ITGB2: variants seen among roughly 807,000 people sequenced by gnomAD.
The protein encoded by ITGB2 is integrin subunit beta 2.
ITGB2 carries 56 observed loss-of-function variants against 86.8 expected under a neutral mutation model. The observed-to-expected ratio is 0.65, with a 90% CI of 0.52 to 0.81. The LOEUF (loss-of-function observed/expected upper bound fraction) is 0.81. Among genes scored for constraint, ITGB2 ranks in the 30% least tolerant of loss-of-function variants. ITGB2 has a pLI of 0.00. For synonymous variants in ITGB2, 457 were observed against 450.4 expected (o/e 1.01, Z -0.19); for missense variants, 948 against 1,061.2 (o/e 0.89, Z 1.48).
chr21:44,907,527 G>C (rs1229617766), intron 3 of ITGB2, among the ~76,000 whole-genome samples: 1 of 152,240 alleles, frequency 6.6e-6, no homozygotes, highest in Non-Finnish European at 1.5e-5. Context: ...CATGGGCAGG[G>C]TTCTGGGCCA....
At chr21:44,888,667 T>C in intron 14 of ITGB2, 26 bp downstream of exon 14, 1 of 1,602,220 alleles carries the variant, frequency 6.2e-7, no homozygotes, top group Non-Finnish European at 8.5e-7. Flanking sequence ...CTGGAGCCGG[T>C]CCCCGCTGCA....
intron 6 of ITGB2, 125 bp from the exon 7 acceptor site, chr21:44,900,600 C>T: frequency 1.6e-6 from 2 of 1,216,614 alleles, no homozygotes; most frequent in Middle Eastern, 5.6e-4. Context: ...CCCCTTTCCC[C>T]TGGGTCTCAG....
intron 3 of ITGB2, chr21:44,908,102 A>C (rs1432202433): frequency 1.4e-6 from 1 of 721,668 alleles, no homozygotes; most frequent in Non-Finnish European, 2.6e-6. Context: ...GCTCAGTCCG[A>C]GGACAGACGG....
chr21:44,889,211 G>C (rs1186242387), intron 13 of ITGB2, 65 bp downstream of exon 13: 90 of 1,523,078 alleles, frequency 5.9e-5, no homozygotes, highest in Non-Finnish European at 7.9e-5. Flanking sequence ...AGTGAGCCCG[G>C]CTGCTGGGTA....
chr21:44,911,664 CT>C (rs1232717682), intron 1 of ITGB2, among the ~76,000 whole-genome samples: 3 of 152,228 alleles, frequency 2.0e-5, no homozygotes, highest in Non-Finnish European at 4.4e-5. Context: ...GGGTCCTGCC[CT>C]TTTGTTTCCA....
intron 1 of ITGB2, among the ~76,000 whole-genome samples, chr21:44,926,622 A>T (rs2146580643): frequency 6.6e-6 from 1 of 152,348 alleles, no homozygotes; most frequent in Non-Finnish European, 1.5e-5. Context: ...CGAGGGAGTC[A>T]GGTGGGCGAA....
rs61264894 is a variant in ITGB2, at chr21:44,900,672, C to T, written c.742-197G>A. On this transcript the variant is annotated intron_variant, in intron 6 of 15. Transcript: ENST00000652462. ...AGGAGACAACGGCCCTCAAACACCC[C>T]GTGCACATGTGAGGCGCAGGGAGTG... 0.052 allele frequency among the ~76,000 whole-genome samples: 7,839 copies of T among 152,154 alleles called. 631 individuals carry two copies. The highest frequency in any genetic ancestry group is 0.17 in the African/African-American group (7,116 of 41,466).
intron 1 of ITGB2, among the ~76,000 whole-genome samples, chr21:44,915,205 T>C (rs2084189421): frequency 6.6e-6 from 1 of 152,150 alleles, no homozygotes; most frequent in South Asian, 2.1e-4. Flanking sequence ...TTTGTGTTTT[T>C]AGTAGAGACG....
At chr21:44,919,905 G>A (rs1431200099) in intron 1 of ITGB2, among the ~76,000 whole-genome samples, 5 of 152,202 alleles carry the variant, frequency 3.3e-5, no homozygotes, top group African/African-American at 9.6e-5. Flanking sequence ...CAAGAGTGCA[G>A]TGTTGGGGGA....
chr21:44,885,982 AT>A lies in ITGB2; in HGVS notation c.*385del, dbSNP rs539342727. 220 of 302,482 alleles carry A rather than the reference AT, an allele frequency of 7.3e-4. No individual in the cohort carries two copies. The highest frequency in any genetic ancestry group is 2.0e-3 in the South Asian group (64 of 32,472). 18.7% of individuals were successfully genotyped at this position (302,482 alleles called of 1,614,324 possible). A position where few individuals can be genotyped will look rare whatever the true frequency, so the allele number is the denominator to read the frequency against. On this transcript the variant is annotated 3_prime_UTR_variant, in exon 16 of 16. Transcript: ENST00000652462. ...CATGGACAGCCTGTATTGAAGTTTT[AT>A]TTTTTTTCTATACACGTGATTGATT...
At chr21:44,903,190 C>A (rs1461992798) in intron 5 of ITGB2, among the ~76,000 whole-genome samples, 175 bp downstream of exon 5, 1 of 152,172 alleles carries the variant, frequency 6.6e-6, no homozygotes, top group African/African-American at 2.4e-5. Flanking sequence ...CTGGGTGTGG[C>A]CCCTGGCAGG....
chr21:44,921,450 G>A (rs113722516), upstream of ITGB2: 4,066 of 152,990 alleles, frequency 0.027, 199 homozygotes, highest in African/African-American at 0.092. Context: ...GGAAGGCTGC[G>A]GATCTGGGCG....
chr21:44,888,332 C>T (rs1418741460), intron 14 of ITGB2, among the ~76,000 whole-genome samples: 1 of 149,024 alleles, frequency 6.7e-6, no homozygotes, highest in Non-Finnish European at 1.5e-5. Flanking sequence ...GCGGGCCACC[C>T]CTGGGGACCT....
At chr21:44,925,418 GGGAGGGAAGGAAGGAA>G (rs1309107487), upstream of ITGB2, among the ~76,000 whole-genome samples, 2,820 of 115,718 alleles carry the variant, frequency 0.024, 128 homozygotes, top group East Asian at 0.066. Flanking sequence ...AAGGGAGGGA[GGGAGGGAAGGAAGGAA>G]GGAAGGAAGG....
In ITGB2 at chr21:44,889,287, A is replaced by G. The variant is rs756176793; in HGVS notation, c.1866T>C (p.Cys622=). 2.5e-6 allele frequency: 4 copies of G among 1,612,668 alleles called. No homozygotes were observed. Among genetic ancestry groups the G allele is most frequent in the Non-Finnish European group, 3.4e-6 (4 of 1,179,808 alleles). ...CCGCCTGCACTCACATGTACTTGCC[A>G]CAGGGTGAGGGGCAGCCGGGGCACT... ...CQECPGCPSP[C]GKYISCAECL... is the part of the protein sequence containing the mutation. Residue 622 remains cysteine (C), a synonymous_variant, in exon 13 of 16, where the codon TGT becomes TGC. Coordinates refer to ENST00000652462, the MANE Select transcript of ITGB2 (RefSeq NM_000211.5).
At chr21:44,900,497 C>T in intron 6 of ITGB2, 22 bp from the exon 7 acceptor site, 1 of 1,612,802 alleles carries the variant, frequency 6.2e-7, no homozygotes. Flanking sequence ...GCGTGGGGGG[C>T]AGGGTTACCT....
chr21:44,886,948 A>T, intron 14 of ITGB2, 46 bp from the exon 15 acceptor site: 1 of 1,586,590 alleles, frequency 6.3e-7, no homozygotes, highest in Non-Finnish European at 8.6e-7. Context: ...GCCCCATCTC[A>T]CTGAGCCGTG....
intron 8 of ITGB2, among the ~76,000 whole-genome samples, chr21:44,895,882 ATAAAT>A (rs1568887113): frequency 5.4e-4 from 66 of 122,404 alleles, no homozygotes; most frequent in Middle Eastern, 8.8e-3. Context: ...AAATAAAAAA[ATAAAT>A]AAAATAAAAT....
chr21:44,913,247 C>A (rs1280960657), intron 1 of ITGB2, among the ~76,000 whole-genome samples: 1 of 152,066 alleles, frequency 6.6e-6, no homozygotes, highest in Admixed American at 6.6e-5. Flanking sequence ...AGGACTCACA[C>A]CCCAGCTCCA....
Sources: allele counts gnomAD v4.1 joint callset (sites outside exome capture counted in the v4.1 genomes callset), GRCh38; gene constraint gnomAD v4.1.1; transcripts MANE v1.5; gene names NCBI Gene and HGNC (gene_info 2026-07-23, HGNC 2026-07-21).